Variants in DCT observed in about 807,000 individuals in gnomAD.
DCT encodes the protein L-dopachrome tautomerase.
DCT carries 47 observed loss-of-function variants against 53.0 expected under a neutral mutation model. The ratio of observed to expected loss-of-function variants is 0.89; its 90% CI spans 0.70 to 1.13. The LOEUF is 1.13. DCT is among the 50% of genes most tolerant of loss of function. DCT has a pLI of 0.00. For synonymous variants in DCT, 244 were observed against 237.0 expected (o/e 1.03, Z -0.27); for missense variants, 669 against 637.4 (o/e 1.05, Z -0.53).
the DCT span, among the ~76,000 whole-genome samples, chr13:94,545,048 A>G: frequency 6.6e-6 from 1 of 152,100 alleles, no homozygotes; most frequent in Non-Finnish European, 1.5e-5. Flanking sequence ...TTCACCCTTC[A>G]TAGCCTCCTA....
the DCT span, among the ~76,000 whole-genome samples, chr13:94,514,054 AGG>A: frequency 3.9e-4 from 59 of 149,822 alleles, no homozygotes; most frequent in African/African-American, 1.0e-3. Flanking sequence ...GTAAAAGGTC[AGG>A]GATTGGCGAC....
the DCT span, among the ~76,000 whole-genome samples, chr13:94,539,521 GCAA>G: frequency 6.6e-6 from 1 of 152,038 alleles, no homozygotes; most frequent in Non-Finnish European, 1.5e-5. Flanking sequence ...CTAAACCTGC[GCAA>G]CAAATCAGCT....
the DCT span, among the ~76,000 whole-genome samples, chr13:94,530,986 T>A: frequency 1.3e-5 from 2 of 152,152 alleles, no homozygotes; most frequent in Non-Finnish European, 2.9e-5. Context: ...AGCTTTCCTA[T>A]ACACCATTAA....
the DCT span, among the ~76,000 whole-genome samples, chr13:94,505,172 G>T: frequency 4.9e-3 from 733 of 150,766 alleles, 11 homozygotes; most frequent in African/African-American, 0.017. Context: ...GTTTGGTCTT[G>T]GGGAAAGCAC....
intron 4 of DCT, among the ~76,000 whole-genome samples, chr13:94,463,034 T>C (rs1410515284): frequency 2.6e-5 from 4 of 152,236 alleles, no homozygotes; most frequent in Non-Finnish European, 4.4e-5. Context: ...GTGCTCAGCA[T>C]GGGCTGAGAA....
intron 6 of DCT, chr13:94,452,712 AAAT>A: frequency 2.9e-6 from 2 of 687,848 alleles, no homozygotes; most frequent in Non-Finnish European, 5.2e-6. Flanking sequence ...TTTAAAATTA[AAAT>A]AATACATTTC....
chr13:94,544,301 T>C, the DCT span, among the ~76,000 whole-genome samples: 1 of 152,212 alleles, frequency 6.6e-6, no homozygotes, highest in African/African-American at 2.4e-5. Flanking sequence ...GAACACTCCA[T>C]AAACGGTGAC....
the DCT span, among the ~76,000 whole-genome samples, chr13:94,540,990 A>G: frequency 6.6e-6 from 1 of 152,226 alleles, no homozygotes; most frequent in African/African-American, 2.4e-5. Context: ...ATTTGCAACA[A>G]TGTGGGTGGA....
At chr13:94,543,494 T>C in the DCT span, among the ~76,000 whole-genome samples, 6 of 152,288 alleles carry the variant, frequency 3.9e-5, no homozygotes, top group East Asian at 1.2e-3. Flanking sequence ...TCAAACAATC[T>C]TATCACCCTG....
intron 6 of DCT, among the ~76,000 whole-genome samples, chr13:94,446,167 G>A (rs879665790): frequency 5.3e-5 from 8 of 152,178 alleles, no homozygotes; most frequent in Non-Finnish European, 1.0e-4. Context: ...ACAGAGGTCT[G>A]TAAACCTCAA....
the DCT span, among the ~76,000 whole-genome samples, chr13:94,504,782 T>C: frequency 4.4e-4 from 67 of 152,352 alleles, no homozygotes; most frequent in African/African-American, 1.5e-3. Flanking sequence ...TTGCTAAGGA[T>C]TTCCAATACA....
chr13:94,468,942 C>A lies in DCT; in HGVS notation c.399G>T (p.Leu133Phe), dbSNP rs747130067. 3 of 1,614,082 alleles carry A rather than the reference C, an allele frequency of 1.9e-6. No individual in the cohort carries two copies. The Admixed American group carries it at 5.0e-5, about 27-fold the overall frequency. Residue 133 changes from leucine (L) to phenylalanine (F), a missense_variant, in exon 2 of 8, where the codon TTG (leucine) becomes TTT (phenylalanine). Leu to Phe is a conservative substitution (Grantham distance 22, BLOSUM62 0). Transcript: ENST00000377028. The stretch of plus-strand genomic sequence containing the variant: ...AGAACTGCTCTCTTTCCTGAGGACT[C>A]AAGGAATGGATGTTCTGCCGAATCA... Reference protein sequence around the residue: ...PPVIRQNIHSLSPQEREQFLG... With the variant: ...PPVIRQNIHSFSPQEREQFLG...
upstream of DCT, among the ~76,000 whole-genome samples, chr13:94,480,792 A>C (rs1885409722): frequency 1.3e-5 from 2 of 152,262 alleles, no homozygotes; most frequent in South Asian, 4.1e-4. Flanking sequence ...GTTGAGAATC[A>C]CTGAATCAGA....
At chr13:94,538,386 C>G in the DCT span, among the ~76,000 whole-genome samples, 2 of 152,194 alleles carry the variant, frequency 1.3e-5, no homozygotes, top group African/African-American at 4.8e-5. Context: ...AGGGGGTGAG[C>G]CTGGAGCTCT....
chr13:94,493,981 G>T, the DCT span, among the ~76,000 whole-genome samples: 2 of 152,162 alleles, frequency 1.3e-5, no homozygotes, highest in African/African-American at 4.8e-5. Context: ...CTCAATTTTT[G>T]TAAAGCTAAA....
At chr13:94,512,413 T>C in the DCT span, among the ~76,000 whole-genome samples, 2 of 152,280 alleles carry the variant, frequency 1.3e-5, no homozygotes, top group East Asian at 3.9e-4. Flanking sequence ...CAGGCAAAAC[T>C]ACCACCCAAA....
chr13:94,490,520 A>AAAAC, the DCT span, among the ~76,000 whole-genome samples: 17 of 144,780 alleles, frequency 1.2e-4, no homozygotes, highest in Non-Finnish European at 2.3e-4. Context: ...AAAAAAAAAA[A>AAAAC]AAAAAAAAAA....
the DCT span, among the ~76,000 whole-genome samples, chr13:94,508,219 A>C: frequency 2.0e-5 from 3 of 152,252 alleles, no homozygotes; most frequent in African/African-American, 7.2e-5. Context: ...AGCACTGAGC[A>C]GACCACTTTA....
intron 6 of DCT, chr13:94,445,864 T>TG (rs1203849951): frequency 1.3e-6 from 1 of 742,246 alleles, no homozygotes; most frequent in Non-Finnish European, 2.3e-6. Context: ...GGCCCATTCC[T>TG]GGAGGCAGGG....
Sources: gnomAD v4.1 joint callset for allele counts (sites outside exome capture counted in the v4.1 genomes callset) on GRCh38, gnomAD v4.1.1 for gene constraint, MANE v1.5 for transcripts, NCBI Gene and HGNC (gene_info 2026-07-23, HGNC 2026-07-21) for gene names.